The following GRM5 variants were observed in gnomAD, a reference collection of about 807,000 sequenced individuals.
The protein encoded by GRM5 is metabotropic glutamate receptor 5.
A neutral mutation model predicts 83.1 loss-of-function variants in GRM5; 19 were observed. That is an observed-to-expected ratio of 0.23 (90% confidence interval 0.16 to 0.34). The LOEUF is 0.34. Ranked by LOEUF, GRM5 falls within the 10% of genes least tolerant of loss-of-function variation. The pLI, the probability that GRM5 is intolerant of heterozygous loss-of-function variation, is 1.00. For missense variants in GRM5, 1,160 were observed against 1,588.3 expected, an observed-to-expected ratio of 0.73 and a Z score of 4.58; for synonymous variants, 675 against 633.6, an observed-to-expected ratio of 1.07 and a Z score of -0.98.
intron 4 of GRM5, among the ~76,000 whole-genome samples, chr11:88,647,259 A>G (rs1352437290): frequency 1.3e-5 from 2 of 152,082 alleles, no homozygotes; most frequent in East Asian, 3.9e-4. Context: ...TCTAAAGAAG[A>G]TCATACTTTG....
Position 88,612,874 on chromosome 11 carries a change from C to T in GRM5, c.1148-7910G>A, listed in dbSNP as rs185700258. The T allele has an allele frequency of 9.1e-4, 139 of 152,358 alleles. 1 individual carries two copies. Among genetic ancestry groups the T allele is most frequent in the African/African-American group, 3.1e-3 (128 of 41,564 alleles). 9.4% of individuals were successfully genotyped at this position (152,358 alleles called of 1,614,324 possible). On this transcript the variant is annotated intron_variant, in intron 4 of 9. Coordinates refer to ENST00000305447, the MANE Select transcript of GRM5 (RefSeq NM_001143831.3). The stretch of plus-strand genomic sequence containing the variant: ...GGGGCCATGCTAATCTTCTCTGTAT[C>T]GTTCCAATTTTAGTATATGTGCTGC...
At chr11:88,964,118 G>A (rs1336524064) in intron 2 of GRM5, among the ~76,000 whole-genome samples, 1 of 152,058 alleles carries the variant, frequency 6.6e-6, no homozygotes, top group Non-Finnish European at 1.5e-5. Flanking sequence ...TATTCAAAAA[G>A]TGAATTGATT....
At chr11:88,881,994 C>T (rs2135573958) in intron 2 of GRM5, among the ~76,000 whole-genome samples, 1 of 152,198 alleles carries the variant, frequency 6.6e-6, no homozygotes, top group South Asian at 2.1e-4. Flanking sequence ...GTAATTCCAG[C>T]ACCTTGGGAT....
chr11:89,051,503 CTTTCAAGACCAGCCTGACCAACA>C (rs1018621094), intron 1 of GRM5, among the ~76,000 whole-genome samples: 2 of 151,854 alleles, frequency 1.3e-5, no homozygotes, highest in African/African-American at 4.8e-5. Context: ...TGAGGTCAGG[CTTTCAAGACCAGCCTGACCAACA>C]TGGTGAAACC....
chr11:88,913,128 C>G (rs1029367234), intron 2 of GRM5, among the ~76,000 whole-genome samples: 1 of 152,164 alleles, frequency 6.6e-6, no homozygotes, highest in Admixed American at 6.5e-5. Context: ...CCTACAGTAT[C>G]TGTTCATGAT....
At position 88,597,365 on chromosome 11, in the gene GRM5, A is replaced by G. The variant is rs200234484; in HGVS notation, c.1395-13T>C. 3 of 1,337,412 alleles carry G rather than the reference A, an allele frequency of 2.2e-6. No individual in the cohort carries two copies. The African/African-American group carries it at 4.4e-5, about 19-fold the overall frequency. The allele number at this position is 1,337,412 out of a possible 1,614,324, so 82.8% of individuals were successfully genotyped here. A position where few individuals can be genotyped will look rare whatever the true frequency, so the allele number is the denominator to read the frequency against. On this transcript the variant is annotated splice_polypyrimidine_tract_variant and intron_variant, in intron 5 of 9. Transcript: ENST00000305447. ...CATTATTTCATACCTTAGGAATAAG[A>G]ATATGATAATTATGCAGCTTAAGAT...
chr11:88,975,309 A>G (rs1420475581), intron 2 of GRM5, among the ~76,000 whole-genome samples: 1 of 152,240 alleles, frequency 6.6e-6, no homozygotes, highest in African/African-American at 2.4e-5. Flanking sequence ...GAGTGAGAAG[A>G]CATCATTTCT....
chr11:88,638,862 CT>C (rs1178282497), intron 4 of GRM5, among the ~76,000 whole-genome samples: 4 of 151,156 alleles, frequency 2.6e-5, no homozygotes, highest in South Asian at 2.1e-4. Flanking sequence ...TTTCTCTTTT[CT>C]TTTTTTTCTG....
At chr11:88,728,767 C>T (rs1941739956) in intron 3 of GRM5, among the ~76,000 whole-genome samples, 1 of 152,108 alleles carries the variant, frequency 6.6e-6, no homozygotes, top group Non-Finnish European at 1.5e-5. Flanking sequence ...GAACCAGTGA[C>T]AAAAACCACA....
chr11:88,674,964 C>G (rs1352986323), intron 3 of GRM5, among the ~76,000 whole-genome samples: 1 of 151,906 alleles, frequency 6.6e-6, no homozygotes, highest in Non-Finnish European at 1.5e-5. Context: ...TTTCATTCCC[C>G]TTTTCTTTCT....
intron 2 of GRM5, among the ~76,000 whole-genome samples, chr11:88,965,270 G>T (rs928577617): frequency 1.3e-5 from 2 of 152,144 alleles, no homozygotes; most frequent in African/African-American, 2.4e-5. Flanking sequence ...CCAGTGTGTT[G>T]ATTTCTGGTG....
intron 7 of GRM5, among the ~76,000 whole-genome samples, 156 bp downstream of exon 7, chr11:88,590,445 T>A (rs958759191): frequency 2.0e-5 from 3 of 152,180 alleles, no homozygotes; most frequent in African/African-American, 7.2e-5. Flanking sequence ...TTTGAATAAG[T>A]AGCTCAGACT....
intron 4 of GRM5, among the ~76,000 whole-genome samples, chr11:88,637,665 G>T (rs879756933): frequency 2.4e-4 from 35 of 147,266 alleles, no homozygotes; most frequent in African/African-American, 8.3e-4. Context: ...ACAGGTGCTG[G>T]AGAGGATGTG....
chr11:88,978,048 C>A (rs2135017557), intron 2 of GRM5, among the ~76,000 whole-genome samples: 1 of 152,266 alleles, frequency 6.6e-6, no homozygotes, highest in East Asian at 1.9e-4. Context: ...TGCGCATTTT[C>A]ATTTGTAGTA....
At chr11:88,860,481 A>G (rs561032812) in intron 2 of GRM5, among the ~76,000 whole-genome samples, 1 of 152,334 alleles carries the variant, frequency 6.6e-6, no homozygotes, top group East Asian at 1.9e-4. Context: ...ACTAGCCACC[A>G]ATGATCCTTG....
intron 2 of GRM5, among the ~76,000 whole-genome samples, chr11:88,912,255 G>A (rs1329913986): frequency 2.0e-5 from 3 of 151,730 alleles, no homozygotes; most frequent in African/African-American, 4.8e-5. Flanking sequence ...CTAAAATAAT[G>A]ATAATGCAAC....
rs1409491219 is a variant in GRM5, at chr11:88,777,187, G to C, written c.911+72719C>G. On this transcript the variant is annotated intron_variant, in intron 3 of 9. Transcript: ENST00000305447. Reference sequence around the variant, plus strand: ...TCTTCTCGCTTTATTTCATTAATTTGATCTTCAATCATTGATACCGTTTCT... The same window carrying C: ...TCTTCTCGCTTTATTTCATTAATTTCATCTTCAATCATTGATACCGTTTCT... Among the ~76,000 whole-genome samples, 4 of 152,130 alleles carry C rather than the reference G, an allele frequency of 2.6e-5. No individual in the cohort carries two copies. The East Asian group carries it at 7.7e-4, about 29-fold the overall frequency.
At chr11:88,637,788 AG>A (rs1450094651) in intron 4 of GRM5, among the ~76,000 whole-genome samples, 25 of 149,130 alleles carry the variant, frequency 1.7e-4, no homozygotes, top group African/African-American at 5.8e-4. Context: ...CATTTGACCC[AG>A]CCATCCCATT....
chr11:88,941,654 C>T (rs910362360), intron 2 of GRM5, among the ~76,000 whole-genome samples: 2 of 151,748 alleles, frequency 1.3e-5, no homozygotes, highest in African/African-American at 4.8e-5. Context: ...AAATGTAGAA[C>T]AACTATAGTC....
Sources: gnomAD v4.1 joint callset for allele counts (sites outside exome capture counted in the v4.1 genomes callset) on GRCh38, gnomAD v4.1.1 for gene constraint, MANE v1.5 for transcripts, NCBI Gene and HGNC (gene_info 2026-07-23, HGNC 2026-07-21) for gene names.